The following MTREX variants were observed in gnomAD, a reference collection of about 807,000 sequenced individuals.
The protein encoded by MTREX is exosome RNA helicase MTR4.
A neutral mutation model predicts 135.4 loss-of-function variants in MTREX; 76 were observed. The ratio of observed to expected loss-of-function variants is 0.56; its 90% CI spans 0.47 to 0.68. MTREX has a LOEUF of 0.68. MTREX is among the 30% of genes least tolerant of loss of function. The pLI is 0.00. For missense variants in MTREX, 920 were observed against 1,262.1 expected, an observed-to-expected ratio of 0.73 and a Z score of 4.11; for synonymous variants, 404 against 401.6, an observed-to-expected ratio of 1.01 and a Z score of -0.07.
intron 21 of MTREX, among the ~76,000 whole-genome samples, chr5:55,404,627 T>A (rs1386187896): frequency 6.6e-6 from 1 of 152,090 alleles, no homozygotes; most frequent in African/African-American, 2.4e-5. Context: ...TTTTGGACCG[T>A]GATTAATTGT....
chr5:55,423,211 T>C, intron 26 of MTREX: 1 of 518,762 alleles, frequency 1.9e-6, no homozygotes. Context: ...ATGCCAGGCA[T>C]TGTTTTAAGC....
At chr5:55,317,215 C>T (rs762094574) in intron 1 of MTREX, among the ~76,000 whole-genome samples, 9 of 152,084 alleles carry the variant, frequency 5.9e-5, no homozygotes, top group Non-Finnish European at 1.3e-4. Flanking sequence ...CTATAGTGCC[C>T]AAAGCAATGT....
Position 55,425,087 on chromosome 5 carries a change from A to G in MTREX, c.*315A>G, listed in dbSNP as rs1374478615. On this transcript the variant is annotated 3_prime_UTR_variant, in exon 27 of 27. Transcript: ENST00000230640. ...CACAAAGTGTGCATCCAAGAGGCAT[A>G]GCAGCAGCAGAAGTCTTTAAAGGCT... 2.3e-6 allele frequency: 3 copies of G among 1,313,816 alleles called. No homozygotes were observed. Among genetic ancestry groups the G allele is most frequent in the East Asian group, 2.3e-5 (1 of 43,214 alleles). The allele number at this position is 1,313,816 out of a possible 1,614,324, so 81.4% of individuals were successfully genotyped here.
intron 3 of MTREX, chr5:55,324,726 A>C (rs1749345782): frequency 6.6e-6 from 1 of 151,972 alleles, no homozygotes; most frequent in Admixed American, 6.6e-5. Context: ...GATTACAGGC[A>C]TGAGCCACTG....
At chr5:55,321,601 CT>C (rs1749290524) in intron 1 of MTREX, among the ~76,000 whole-genome samples, 1 of 140,210 alleles carries the variant, frequency 7.1e-6, no homozygotes, top group Non-Finnish European at 1.5e-5. Flanking sequence ...TACCAAACAT[CT>C]ATTTTTTTTT....
chr5:55,338,786 C>CTTTTTTTT lies in MTREX; in HGVS notation c.516-1209_516-1202dup, dbSNP rs67612518. On this transcript the variant is annotated intron_variant, in intron 5 of 26. Transcript: ENST00000230640. ...TTGTTAATCTGTAGACTTTCTTTTT[C>CTTTTTTTT]TTTTTTTTTTTTTTTTTTTTTTGAG... Among the ~76,000 whole-genome samples the CTTTTTTTT allele has an allele frequency of 6.1e-4, 56 of 92,238 alleles. 1 individual carries two copies. Among genetic ancestry groups the CTTTTTTTT allele is most frequent in the African/African-American group, 9.6e-4 (21 of 21,766 alleles). The allele number at this position is 92,238 out of a possible 152,430, so 60.5% of individuals were successfully genotyped here. A position where few individuals can be genotyped will look rare whatever the true frequency, so the allele number is the denominator to read the frequency against.
chr5:55,377,717 G>A (rs947706880), intron 16 of MTREX, among the ~76,000 whole-genome samples: 2 of 152,092 alleles, frequency 1.3e-5, no homozygotes, highest in Non-Finnish European at 2.9e-5. Flanking sequence ...TTTGTCCATG[G>A]TTCCTGGTTT....
At chr5:55,390,282 T>C (rs751053989) in intron 19 of MTREX, among the ~76,000 whole-genome samples, 3 of 152,260 alleles carry the variant, frequency 2.0e-5, no homozygotes, top group Non-Finnish European at 2.9e-5. Context: ...TTTGTATTTT[T>C]ACTAGAGACT....
chr5:55,411,414 G>A (rs1750882897), intron 23 of MTREX, among the ~76,000 whole-genome samples: 1 of 152,074 alleles, frequency 6.6e-6, no homozygotes, highest in Admixed American at 6.6e-5. Flanking sequence ...TAACTTTTAA[G>A]TAAATTGTGT....
chr5:55,413,635 T>C (rs1481249991), intron 23 of MTREX, among the ~76,000 whole-genome samples: 2 of 152,192 alleles, frequency 1.3e-5, no homozygotes, highest in African/African-American at 4.8e-5. Flanking sequence ...TTTTCAGCTG[T>C]GGGAAAGCAA....
At chr5:55,341,542 T>C in intron 6 of MTREX, 139 bp from the exon 7 acceptor site, 1 of 537,052 alleles carries the variant, frequency 1.9e-6, no homozygotes, top group Non-Finnish European at 3.3e-6. Context: ...TAGTAAGTTC[T>C]GTAACCCCTT....
intron 18 of MTREX, among the ~76,000 whole-genome samples, chr5:55,380,102 A>T (rs1750370907): frequency 6.9e-6 from 1 of 145,624 alleles, no homozygotes; most frequent in Admixed American, 6.9e-5. Flanking sequence ...AGCCCAGCTA[A>T]TTTTTTTTTT....
At chr5:55,352,133 C>T (rs1749840445) in intron 13 of MTREX, among the ~76,000 whole-genome samples, 1 of 152,016 alleles carries the variant, frequency 6.6e-6, no homozygotes, top group Admixed American at 6.6e-5. Context: ...GATCCTCCCA[C>T]CTCAGCCTCC....
At chr5:55,413,075 C>T (rs1178161781) in intron 23 of MTREX, among the ~76,000 whole-genome samples, 3 of 152,058 alleles carry the variant, frequency 2.0e-5, no homozygotes, top group Admixed American at 6.5e-5. Context: ...GGCACAGTGG[C>T]TCATGCCTGT....
intron 2 of MTREX, among the ~76,000 whole-genome samples, chr5:55,322,778 AT>A (rs1431320654): frequency 6.6e-6 from 1 of 152,228 alleles, no homozygotes; most frequent in Non-Finnish European, 1.5e-5. Flanking sequence ...GAAGAGTGGA[AT>A]AAAAGGAAAA....
intron 16 of MTREX, among the ~76,000 whole-genome samples, chr5:55,373,510 G>C (rs1289805816): frequency 6.6e-6 from 1 of 151,958 alleles, no homozygotes; most frequent in Non-Finnish European, 1.5e-5. Context: ...GTGGACAAAA[G>C]CTCTTGTGTT....
rs773185053 is a variant in MTREX, at chr5:55,328,699, G to A, written c.403G>A (p.Glu135Lys). ...AGATATTAATGTTTTGTTTTTATAG[G>A]AATACCCGTTCATTCTTGATGCTTT... ...LKPRVGKAAK[E>K]YPFILDAFQR... The change falls in exon 5 of 27, where the codon GAA (glutamate) becomes AAA (lysine). Residue 135 changes from glutamate (E) to lysine (K), a missense_variant and splice_region_variant. Around this residue, in one of 6 missense-constraint regions of MTREX, gnomAD observed 82 missense variants for 107.4 expected, o/e 0.76. Coordinates refer to ENST00000230640, the MANE Select transcript of MTREX (RefSeq NM_015360.5). 2 of 1,600,672 alleles carry A rather than the reference G, an allele frequency of 1.2e-6. No homozygotes were observed. Among genetic ancestry groups the A allele is most frequent in the Non-Finnish European group, 1.7e-6 (2 of 1,168,504 alleles).
At chr5:55,423,110 A>G (rs1192315933) in intron 26 of MTREX, 128 bp downstream of exon 26, 4 of 660,804 alleles carry the variant, frequency 6.1e-6, no homozygotes, top group Non-Finnish European at 1.0e-5. Flanking sequence ...AGAGCTATCT[A>G]CTAGTGTTTC....
chr5:55,407,029 A>G (rs183277618), intron 22 of MTREX, among the ~76,000 whole-genome samples: 98 of 152,338 alleles, frequency 6.4e-4, no homozygotes, highest in African/African-American at 2.3e-3. Context: ...TGTTTTGTCC[A>G]TATAGTGATG....
Sources: gnomAD v4.1 joint callset for allele counts (sites outside exome capture counted in the v4.1 genomes callset) on GRCh38, gnomAD v4.1.1 for gene constraint, gnomAD v4.1.1 regional missense constraint, MANE v1.5 for transcripts, NCBI Gene and HGNC (gene_info 2026-07-23, HGNC 2026-07-21) for gene names.